The following TBC1D8 variants were observed in gnomAD, a reference collection of about 807,000 sequenced individuals.
The protein encoded by TBC1D8 is BUB2-like protein 1.
In TBC1D8, 65 loss-of-function variants were observed where a neutral mutation model predicts 118.8. That is an observed-to-expected ratio of 0.55 (90% CI 0.45 to 0.67). The LOEUF (loss-of-function observed/expected upper bound fraction) is 0.67, where lower values mean the gene tolerates loss of function less well. TBC1D8 is among the 30% of genes least tolerant of loss of function. TBC1D8 has a pLI of 0.00. For synonymous variants in TBC1D8, 566 were observed against 595.8 expected (o/e 0.95, Z 0.73); for missense variants, 1,376 against 1,471.2 (o/e 0.94, Z 1.06).
At chr2:101,150,389 T>C (rs1573127282) in intron 1 of TBC1D8, among the ~76,000 whole-genome samples, 1 of 152,226 alleles carries the variant, frequency 6.6e-6, no homozygotes. Flanking sequence ...GTTCCTTCAC[T>C]GACCTTTAAA....
chr2:101,141,193 G>A (rs1396577252), intron 1 of TBC1D8, among the ~76,000 whole-genome samples: 1 of 151,896 alleles, frequency 6.6e-6, no homozygotes, highest in Non-Finnish European at 1.5e-5. Flanking sequence ...GTTAGATCGT[G>A]AGTCAATATT....
chr2:101,059,598 A>G, intron 2 of TBC1D8, 59 bp from the exon 3 acceptor site: 3 of 1,383,782 alleles, frequency 2.2e-6, no homozygotes, highest in Middle Eastern at 1.8e-4. Flanking sequence ...TAATTCCTAG[A>G]ACGTTAACTC....
intron 10 of TBC1D8, chr2:101,033,265 C>T (rs535747347): frequency 9.3e-5 from 41 of 439,362 alleles, no homozygotes; most frequent in South Asian, 2.4e-4. Flanking sequence ...TACAGGCACG[C>T]GCCACCATGC....
intron 1 of TBC1D8, among the ~76,000 whole-genome samples, chr2:101,150,351 C>T (rs1679502518): frequency 6.6e-6 from 1 of 152,106 alleles, no homozygotes; most frequent in South Asian, 2.1e-4. Flanking sequence ...AATATAGGCC[C>T]CCTAGATACA....
intron 1 of TBC1D8, among the ~76,000 whole-genome samples, chr2:101,092,037 G>A (rs754583337): frequency 7.9e-5 from 12 of 152,188 alleles, no homozygotes; most frequent in Admixed American, 2.0e-4. Context: ...ATATGGCCCT[G>A]CCATCTAATC....
intron 19 of TBC1D8, among the ~76,000 whole-genome samples, chr2:101,009,821 C>CATTTTTTTTTTTTTTTTT (rs144990163): frequency 7.5e-6 from 1 of 134,192 alleles, no homozygotes. Flanking sequence ...AAAAAAGGAG[C>CATTTTTTTTTTTTTTTTT]TTTTTCTTTT....
At position 101,151,332 on chromosome 2, in the gene TBC1D8, G is replaced by C. The variant is rs1050846239; in HGVS notation, c.-79C>G. The C allele has an allele frequency of 2.9e-5, 32 of 1,086,798 alleles. No homozygotes were observed. The highest frequency in any genetic ancestry group is 3.5e-5 in the Non-Finnish European group (31 of 885,108). The allele number at this position is 1,086,798 out of a possible 1,614,324, so 67.3% of individuals were successfully genotyped here. A position where few individuals can be genotyped will look rare whatever the true frequency, so the allele number is the denominator to read the frequency against. ...GTCGCTGTGAGCCGAGCCCGCTCGA[G>C]AGGCGACGGCGGCGCGCGGGGACCA... On this transcript the variant is annotated 5_prime_UTR_variant, in exon 1 of 20. Transcript: ENST00000409318.
At chr2:101,031,403 GAC>G (rs1680662695) in intron 11 of TBC1D8, among the ~76,000 whole-genome samples, 1 of 152,078 alleles carries the variant, frequency 6.6e-6, no homozygotes, top group Non-Finnish European at 1.5e-5. Flanking sequence ...CAGTCCTTAG[GAC>G]ACAGTCTTCA....
rs7601342 is a variant in TBC1D8, at chr2:101,111,304, C to T, written c.128-20940G>A. ...TTTTTCAGGGCGTGCAGCAGAGCAG[C>T]GGACAAAGCTGCAGGGCGACCATAT... On this transcript the variant is annotated intron_variant, in intron 1 of 19. Transcript: ENST00000409318. 6.5e-3 allele frequency among the ~76,000 whole-genome samples: 995 copies of T among 152,286 alleles called. 9 individuals are homozygous for T. Among genetic ancestry groups the T allele is most frequent in the African/African-American group, 0.022 (922 of 41,564 alleles).
At chr2:101,021,125 A>G (rs768494718) in intron 17 of TBC1D8, among the ~76,000 whole-genome samples, 2 of 152,202 alleles carry the variant, frequency 1.3e-5, no homozygotes, top group Non-Finnish European at 2.9e-5. Flanking sequence ...CTGGGGGGAC[A>G]GAGCCCTCTG....
intron 2 of TBC1D8, chr2:101,068,409 G>A (rs1374322): frequency 0.46 from 131,396 of 284,230 alleles, 31,374 homozygotes; most frequent in Admixed American, 0.54. Flanking sequence ...AGACCAGAAC[G>A]TTCAGGAAAA....
intron 1 of TBC1D8, among the ~76,000 whole-genome samples, chr2:101,120,493 C>A (rs866876004): frequency 6.6e-6 from 1 of 152,204 alleles, no homozygotes; most frequent in African/African-American, 2.4e-5. Context: ...CTGTGTCTAT[C>A]CTATTATTTG....
chr2:101,034,788 T>A (rs1680899298), intron 9 of TBC1D8, among the ~76,000 whole-genome samples: 1 of 152,200 alleles, frequency 6.6e-6, no homozygotes, highest in Admixed American at 6.5e-5. Context: ...CAACTATGAA[T>A]GTATGTTGTC....
chr2:101,136,779 A>G (rs1388998355), intron 1 of TBC1D8, among the ~76,000 whole-genome samples: 1 of 152,232 alleles, frequency 6.6e-6, no homozygotes, highest in African/African-American at 2.4e-5. Context: ...CGAGCTATAC[A>G]TTCTGTAAGC....
At chr2:101,030,149 A>G (rs1205091218) in intron 11 of TBC1D8, among the ~76,000 whole-genome samples, 1 of 152,206 alleles carries the variant, frequency 6.6e-6, no homozygotes, top group Non-Finnish European at 1.5e-5. Context: ...TTATGACATA[A>G]AAAGTACTAA....
chr2:101,121,294 C>T (rs555565794), intron 1 of TBC1D8, among the ~76,000 whole-genome samples: 2 of 152,308 alleles, frequency 1.3e-5, no homozygotes, highest in East Asian at 3.9e-4. Context: ...CCATCATTAA[C>T]TAACACATAT....
chr2:101,146,203 G>C (rs895347091), intron 1 of TBC1D8, among the ~76,000 whole-genome samples: 1 of 152,124 alleles, frequency 6.6e-6, no homozygotes, highest in African/African-American at 2.4e-5. Context: ...TATAACTAAG[G>C]CTCAAAGAAA....
In TBC1D8 at chr2:101,008,105, CCT is replaced by C; in HGVS notation, c.3182_3183del (p.Glu1061GlyfsTer10). 1 of 1,613,872 alleles carries C rather than the reference CCT, an allele frequency of 6.2e-7. No individual in the cohort carries two copies. The highest frequency in any genetic ancestry group is 2.2e-5 in the East Asian group (1 of 44,878). ...SSGSCSQECG[E>X]ELRASAPSPE... ...GGAGAAGGAGCTGAAGCCCGCAGCT[CCT>C]CCCCACACTCCTGGGAGCAGCTTCC... is the stretch of plus-strand genomic sequence containing the variant. On this transcript the variant is annotated frameshift_variant, in exon 20 of 20. Coordinates refer to ENST00000409318, the MANE Select transcript of TBC1D8 (RefSeq NM_001330348.2). LOFTEE classifies it low-confidence loss of function (END_TRUNC).
intron 2 of TBC1D8, chr2:101,068,284 T>G (rs1683125980): frequency 5.6e-6 from 1 of 180,178 alleles, no homozygotes; most frequent in Non-Finnish European, 1.1e-5. Flanking sequence ...GACTATGACC[T>G]GCGGCAGCAG....
Sources: gnomAD v4.1 joint callset for allele counts (sites outside exome capture counted in the v4.1 genomes callset) on GRCh38, gnomAD v4.1.1 for gene constraint, MANE v1.5 for transcripts, NCBI Gene and HGNC (gene_info 2026-07-23, HGNC 2026-07-21) for gene names.